CPE: variants seen among roughly 807,000 people sequenced by gnomAD.
CPE encodes carboxypeptidase E.
In CPE, 17 loss-of-function variants were observed where a neutral mutation model predicts 53.5. That is an observed-to-expected ratio of 0.32 (90% CI 0.22 to 0.48). CPE has a LOEUF of 0.48. Among genes scored for constraint, CPE ranks in the 20% least tolerant of loss-of-function variants. The pLI, the probability that CPE is intolerant of heterozygous loss-of-function variation, is 0.99. For missense variants in CPE, 524 were observed against 614.7 expected (o/e 0.85, Z 1.56); for synonymous variants, 226 against 228.8 (o/e 0.99, Z 0.11).
chr4:165,481,433 T>A (rs976113998), intron 3 of CPE, among the ~76,000 whole-genome samples: 2 of 152,240 alleles, frequency 1.3e-5, no homozygotes, highest in Non-Finnish European at 2.9e-5. Context: ...AAGAACAGCA[T>A]GGATCACGTT....
chr4:165,384,640 A>G (rs1730558792), intron 1 of CPE, among the ~76,000 whole-genome samples: 1 of 152,162 alleles, frequency 6.6e-6, no homozygotes, highest in Non-Finnish European at 1.5e-5. Flanking sequence ...AACAACAACA[A>G]TAAAAAAGGG....
chr4:165,484,625 C>A, intron 5 of CPE, 21 bp downstream of exon 5: 1 of 1,606,838 alleles, frequency 6.2e-7, no homozygotes, highest in South Asian at 1.1e-5. Flanking sequence ...ATTGTGCTCT[C>A]TGATTATGTG....
intron 1 of CPE, among the ~76,000 whole-genome samples, chr4:165,398,217 A>G (rs1579242865): frequency 6.6e-6 from 1 of 152,068 alleles, no homozygotes; most frequent in Non-Finnish European, 1.5e-5. Context: ...GCTTATTTAC[A>G]TCAGATATAA....
At chr4:165,487,633 T>C in intron 6 of CPE, 56 bp downstream of exon 6, 1 of 1,593,558 alleles carries the variant, frequency 6.3e-7, no homozygotes, top group South Asian at 1.1e-5. Context: ...AAACCTGTCC[T>C]ACAATGGTCT....
intron 7 of CPE, 76 bp downstream of exon 7, chr4:165,493,346 T>C: frequency 9.6e-7 from 1 of 1,043,518 alleles, no homozygotes; most frequent in South Asian, 1.4e-5. Context: ...TTATAAGTCT[T>C]ATGTTCTTCT....
chr4:165,404,550 G>T, intron 1 of CPE: 1 of 908,200 alleles, frequency 1.1e-6, no homozygotes. Context: ...GCTTTGCCCA[G>T]ATCTTTGGCC....
intron 1 of CPE, among the ~76,000 whole-genome samples, chr4:165,408,453 A>G (rs1304617987): frequency 6.6e-6 from 1 of 152,210 alleles, no homozygotes; most frequent in African/African-American, 2.4e-5. Flanking sequence ...TATTTTCACA[A>G]GTCATGAATT....
At chr4:165,416,656 C>CAA (rs528087931) in intron 1 of CPE, among the ~76,000 whole-genome samples, 33 of 151,770 alleles carry the variant, frequency 2.2e-4, no homozygotes, top group Non-Finnish European at 4.7e-4. Context: ...ATCTTCTTCT[C>CAA]AATTACTAGA....
At chr4:165,483,325 C>G (rs768054340) in intron 4 of CPE, among the ~76,000 whole-genome samples, 35 of 152,168 alleles carry the variant, frequency 2.3e-4, no homozygotes, top group Non-Finnish European at 4.4e-4. Flanking sequence ...TGATTTCATT[C>G]TTTTTAATGG....
chr4:165,397,261 T>A (rs1397142144), intron 1 of CPE, among the ~76,000 whole-genome samples: 1 of 152,148 alleles, frequency 6.6e-6, no homozygotes, highest in Non-Finnish European at 1.5e-5. Flanking sequence ...ATATGCCAAG[T>A]GATGTTTAAA....
At chr4:165,450,028 T>C (rs985225368) in intron 1 of CPE, among the ~76,000 whole-genome samples, 2 of 152,204 alleles carry the variant, frequency 1.3e-5, no homozygotes, top group Non-Finnish European at 2.9e-5. Context: ...CATTTTGAGA[T>C]AGTAGATAAA....
chr4:165,432,165 C>G (rs1731419144), intron 1 of CPE, among the ~76,000 whole-genome samples: 1 of 152,180 alleles, frequency 6.6e-6, no homozygotes, highest in Non-Finnish European at 1.5e-5. Flanking sequence ...CCTATTTGCC[C>G]TTGTCTCTCT....
intron 1 of CPE, among the ~76,000 whole-genome samples, chr4:165,426,419 T>C (rs1731318426): frequency 6.6e-6 from 1 of 152,208 alleles, no homozygotes; most frequent in Non-Finnish European, 1.5e-5. Flanking sequence ...TTTCTTTCCT[T>C]GCTATTTAAT....
intron 1 of CPE, among the ~76,000 whole-genome samples, chr4:165,393,569 C>T (rs758956232): frequency 2.6e-5 from 4 of 152,100 alleles, no homozygotes; most frequent in Non-Finnish European, 5.9e-5. Context: ...GGTTTTGAAG[C>T]CCAGGAGGCT....
rs1730470167 is a variant in CPE, at chr4:165,379,594, G to GT, written c.307+67dup. The GT allele has an allele frequency of 5.4e-6, 7 of 1,298,034 alleles. No individual in the cohort carries two copies. The East Asian group carries it at 2.0e-4, about 36-fold the overall frequency. The allele number at this position is 1,298,034 out of a possible 1,614,324, so 80.4% of individuals were successfully genotyped here. A position where few individuals can be genotyped will look rare whatever the true frequency, so the allele number is the denominator to read the frequency against. On this transcript the variant is annotated intron_variant, in intron 1 of 8. Transcript: ENST00000402744. This position sits in a 1 kb window ranked among gnomAD's most constrained non-coding sequence, Gnocchi z 6.0. Reference sequence around the variant, plus strand: ...AGGGGGGCGGCAGAGGGTGGGACTGGTGGCGGTGGGGGAAGGAGGGAGGGA... The same window carrying GT: ...AGGGGGGCGGCAGAGGGTGGGACTGGTTGGCGGTGGGGGAAGGAGGGAGGGA...
chr4:165,441,615 G>T (rs1430717206), intron 1 of CPE, among the ~76,000 whole-genome samples: 9 of 152,144 alleles, frequency 5.9e-5, no homozygotes, highest in Non-Finnish European at 1.2e-4. Flanking sequence ...TATTTGTTAT[G>T]TCCTATTTGG....
intron 3 of CPE, 59 bp downstream of exon 3, chr4:165,467,914 A>G (rs778238027): frequency 1.2e-4 from 185 of 1,554,392 alleles, no homozygotes; most frequent in Non-Finnish European, 1.6e-4. Flanking sequence ...ATATGTTCCA[A>G]TATCTTCATC....
chr4:165,406,759 A>G (rs1347389331), intron 1 of CPE, among the ~76,000 whole-genome samples: 1 of 152,174 alleles, frequency 6.6e-6, no homozygotes, highest in Non-Finnish European at 1.5e-5. Context: ...CATTTTCCCA[A>G]TTCCTCCCAA....
Position 165,379,126 on chromosome 4 carries a change from C to A in CPE, c.-96C>A. 9.1e-7 allele frequency: 1 copy of A among 1,098,146 alleles called. No homozygotes were observed. Among genetic ancestry groups the A allele is most frequent in the Non-Finnish European group, 1.1e-6 (1 of 876,778 alleles). The allele number at this position is 1,098,146 out of a possible 1,614,324, so 68.0% of individuals were successfully genotyped here. ...GAGTAGAGGCTGGTGCGGAACTTGCCGCCCCCAGCAGCGCCGGCGGGCTAA... is the reference window on the plus strand; with the variant it reads ...GAGTAGAGGCTGGTGCGGAACTTGCAGCCCCCAGCAGCGCCGGCGGGCTAA... On this transcript the variant is annotated 5_prime_UTR_variant, in exon 1 of 9. Transcript: ENST00000402744. This position sits in a 1 kb window ranked among gnomAD's most constrained non-coding sequence, Gnocchi z 6.0.
Sources: allele counts gnomAD v4.1 joint callset (sites outside exome capture counted in the v4.1 genomes callset), GRCh38; gene constraint gnomAD v4.1.1; non-coding constraint Gnocchi (gnomAD v3.1); transcripts MANE v1.5; gene names NCBI Gene and HGNC (gene_info 2026-07-23, HGNC 2026-07-21).